The following PATL1 variants were observed in gnomAD, a reference collection of about 807,000 sequenced individuals.
PATL1 encodes the protein PAT1 homolog 1, processing body mRNA decay factor.
In PATL1, 32 loss-of-function variants were observed where a neutral mutation model predicts 100.6. The observed-to-expected ratio is 0.32, with a 90% CI of 0.24 to 0.43. The LOEUF (loss-of-function observed/expected upper bound fraction) is 0.43, where lower values mean the gene tolerates loss of function less well. Among genes scored for constraint, PATL1 ranks in the 20% least tolerant of loss-of-function variants. The pLI is 1.00. For missense variants in PATL1, 747 were observed against 949.9 expected, an observed-to-expected ratio of 0.79 and a Z score of 2.81; for synonymous variants, 332 against 330.0, an observed-to-expected ratio of 1.01 and a Z score of -0.07.
chr11:59,651,344 C>G (rs1861440856), intron 12 of PATL1, among the ~76,000 whole-genome samples, 200 bp downstream of exon 12: 1 of 152,168 alleles, frequency 6.6e-6, no homozygotes, highest in Admixed American at 6.5e-5. Flanking sequence ...TCCTGCCACC[C>G]TAGTCCCTGC....
chr11:59,668,814 C>T (rs958238399), intron 1 of PATL1, 67 bp downstream of exon 1: 2 of 747,600 alleles, frequency 2.7e-6, no homozygotes, highest in Non-Finnish European at 4.2e-6. Context: ...GACCGGCGCG[C>T]GGAGAGAGAG....
intron 2 of PATL1, among the ~76,000 whole-genome samples, chr11:59,661,203 A>G (rs1455383786): frequency 6.6e-6 from 1 of 152,108 alleles, no homozygotes; most frequent in Non-Finnish European, 1.5e-5. Flanking sequence ...CCCCAACCTC[A>G]GCCTCCCAAG....
chr11:59,658,324 T>G (rs1238334630), intron 4 of PATL1, among the ~76,000 whole-genome samples: 1 of 151,824 alleles, frequency 6.6e-6, no homozygotes, highest in African/African-American at 2.4e-5. Flanking sequence ...GAAATGAGTT[T>G]TTTTTTTTTT....
At chr11:59,665,834 T>G (rs905668838) in intron 2 of PATL1, among the ~76,000 whole-genome samples, 1 of 151,906 alleles carries the variant, frequency 6.6e-6, no homozygotes, top group Non-Finnish European at 1.5e-5. Flanking sequence ...AAATTTCAAT[T>G]TATTACTCCA....
intron 9 of PATL1, 37 bp downstream of exon 9, chr11:59,653,945 GA>G: frequency 6.5e-7 from 1 of 1,540,572 alleles, no homozygotes. Flanking sequence ...ATTAAAAGCT[GA>G]ATTAAGAAGC....
At position 59,652,329 on chromosome 11, in the gene PATL1, A is replaced by G. The variant is rs7129130; in HGVS notation, c.1426+135T>C. ...TAAAGGCTGATTTTTGCATTTATTA[A>G]GAACAATGGTACTTTTAAAATCACT... On this transcript the variant is annotated intron_variant, in intron 11 of 18. Transcript: ENST00000300146. The G allele has an allele frequency of 4.0e-3, 5,174 of 1,289,832 alleles. 185 individuals are homozygous for G. The African/African-American group carries it at 0.07, about 18-fold the overall frequency. 79.9% of individuals were successfully genotyped at this position (1,289,832 alleles called of 1,614,324 possible).
chr11:59,663,047 C>A (rs1242171011), intron 2 of PATL1, among the ~76,000 whole-genome samples: 1 of 152,018 alleles, frequency 6.6e-6, no homozygotes, highest in Non-Finnish European at 1.5e-5. Context: ...AGATATTGTG[C>A]CCTTACTATA....
At chr11:59,657,787 T>G in intron 4 of PATL1, 63 bp from the exon 5 acceptor site, 24 of 1,255,956 alleles carry the variant, frequency 1.9e-5, no homozygotes, top group Non-Finnish European at 2.1e-5. Flanking sequence ...TAGTAATCTC[T>G]ACAGATGCCA....
intron 2 of PATL1, among the ~76,000 whole-genome samples, chr11:59,659,684 C>T (rs907610412): frequency 6.6e-5 from 10 of 151,928 alleles, no homozygotes; most frequent in Admixed American, 3.9e-4. Context: ...GGACTACAGG[C>T]GCCCACCACC....
chr11:59,656,858 T>G (rs903200013), intron 5 of PATL1, among the ~76,000 whole-genome samples: 5 of 152,204 alleles, frequency 3.3e-5, no homozygotes, highest in Non-Finnish European at 7.3e-5. Flanking sequence ...CTGAGGGAGA[T>G]ACCAGCAGAT....
rs117454028 is a variant in PATL1, at chr11:59,664,937, T to C, written c.127+1916A>G. On this transcript the variant is annotated intron_variant, in intron 2 of 18. Coordinates refer to ENST00000300146, the MANE Select transcript of PATL1 (RefSeq NM_152716.3). Reference sequence around the variant, plus strand: ...TAATTTGCAATTCACATCAGTTTCCTGCTTTTGTAATTCCACTCTACATCT... The same window carrying C: ...TAATTTGCAATTCACATCAGTTTCCCGCTTTTGTAATTCCACTCTACATCT... Among the ~76,000 whole-genome samples the C allele has an allele frequency of 3.0e-3, 453 of 152,370 alleles. 11 individuals are homozygous for C. The East Asian group carries it at 0.072, about 24-fold the overall frequency.
intron 15 of PATL1, among the ~76,000 whole-genome samples, chr11:59,644,299 C>A (rs1861330275): frequency 6.6e-6 from 1 of 151,932 alleles, no homozygotes; most frequent in Non-Finnish European, 1.5e-5. Flanking sequence ...CAATATCATA[C>A]CTAACAAAAT....
At chr11:59,657,263 C>CAA (rs1861549468) in intron 5 of PATL1, 1 of 532,816 alleles carries the variant, frequency 1.9e-6, no homozygotes, top group African/African-American at 2.1e-5. Flanking sequence ...GGGCAGCCAG[C>CAA]AAAACACTTC....
At chr11:59,668,565 T>C (rs1026164142) in intron 1 of PATL1, among the ~76,000 whole-genome samples, 1 of 149,950 alleles carries the variant, frequency 6.7e-6, no homozygotes, top group East Asian at 2.0e-4. Context: ...GGAGATGCAG[T>C]GCTCTACCCT....
intron 5 of PATL1, chr11:59,657,075 C>T (rs1565134744): frequency 1.0e-6 from 1 of 985,066 alleles, no homozygotes; most frequent in Non-Finnish European, 1.2e-6. Context: ...ACCCTCCCCC[C>T]ATACCTTCCA....
At position 59,656,539 on chromosome 11, in the gene PATL1, T is replaced by C. The variant is rs764122023; in HGVS notation, c.683A>G (p.Tyr228Cys). The change falls in exon 6 of 19, where the codon TAT (tyrosine) becomes TGT (cysteine). Residue 228 changes from tyrosine (Y) to cysteine (C), a missense_variant. By Grantham distance (194) the Tyr-to-Cys change is radical (BLOSUM62 -2). This residue lies in a region of PATL1 where 127 missense variants were observed against 116.0 expected (regional missense o/e 1.09). Transcript: ENST00000300146. ...CTGGTTTGGAGACATCCTCTCACCA[T>C]AGGGAGCAGGATAACGAGGTGGCAT... ...PPMPPRYPAPYGERMSPNQLC... is the reference protein window; with the variant it reads ...PPMPPRYPAPCGERMSPNQLC... 18 of 1,613,824 alleles carry C rather than the reference T, an allele frequency of 1.1e-5. No individual in the cohort carries two copies. Among genetic ancestry groups the C allele is most frequent in the Middle Eastern group, 1.6e-4 (1 of 6,084 alleles).
At chr11:59,666,723 G>A (rs1357757958) in intron 2 of PATL1, 130 bp downstream of exon 2, 6 of 971,548 alleles carry the variant, frequency 6.2e-6, no homozygotes, top group Admixed American at 3.2e-5. Context: ...ATTCTAAGAT[G>A]AGGAATAGAA....
intron 18 of PATL1, 148 bp from the exon 19 acceptor site, chr11:59,638,559 T>C: frequency 1.3e-6 from 1 of 769,290 alleles, no homozygotes; most frequent in East Asian, 2.7e-5. Flanking sequence ...TCATCTTTTA[T>C]GAAGGCCCTG....
At chr11:59,661,001 C>G (rs1185060925) in intron 2 of PATL1, among the ~76,000 whole-genome samples, 2 of 152,184 alleles carry the variant, frequency 1.3e-5, no homozygotes, top group Non-Finnish European at 2.9e-5. Flanking sequence ...ACCTTACTTC[C>G]AACGCATCTC....
Sources: allele counts gnomAD v4.1 joint callset (sites outside exome capture counted in the v4.1 genomes callset), GRCh38; gene constraint gnomAD v4.1.1; regional missense constraint gnomAD v4.1.1; transcripts MANE v1.5; gene names NCBI Gene and HGNC (gene_info 2026-07-23, HGNC 2026-07-21).